Variants in CLSTN2 observed in about 807,000 individuals in gnomAD.
The protein encoded by CLSTN2 is calsyntenin 2.
Under a neutral mutation model 101.2 loss-of-function variants are expected in CLSTN2, and 48 were observed. That is an observed-to-expected ratio of 0.47 (90% CI 0.38 to 0.60). CLSTN2 has a LOEUF of 0.60. CLSTN2 is among the 20% of genes least tolerant of loss of function. The probability of loss-of-function intolerance (pLI) is 0.00; values close to 1 mark genes in which losing one functional copy is unlikely to be tolerated. For synonymous variants in CLSTN2, 481 were observed against 463.6 expected, an observed-to-expected ratio of 1.04 and a Z score of -0.48; for missense variants, 1,160 against 1,238.2, an observed-to-expected ratio of 0.94 and a Z score of 0.95.
At chr3:140,091,374 C>A (rs548507726) in intron 1 of CLSTN2, among the ~76,000 whole-genome samples, 53 of 152,260 alleles carry the variant, frequency 3.5e-4, no homozygotes, top group Admixed American at 7.8e-4. Context: ...CCTGGACACC[C>A]ATTCCTTGGC....
At chr3:140,120,995 G>T (rs148038026) in intron 1 of CLSTN2, among the ~76,000 whole-genome samples, 2 of 152,310 alleles carry the variant, frequency 1.3e-5, no homozygotes, top group East Asian at 1.9e-4. Flanking sequence ...CATTGTATGT[G>T]CCAGAGCCTC....
intron 2 of CLSTN2, among the ~76,000 whole-genome samples, chr3:140,234,459 T>A (rs2086398410): frequency 6.6e-6 from 1 of 152,114 alleles, no homozygotes; most frequent in Non-Finnish European, 1.5e-5. Flanking sequence ...TTCGCCTCTG[T>A]AAAATGTGGT....
chr3:140,424,278 C>G (rs974082364), intron 5 of CLSTN2, among the ~76,000 whole-genome samples: 2 of 152,186 alleles, frequency 1.3e-5, no homozygotes, highest in Non-Finnish European at 2.9e-5. Flanking sequence ...TCAGTCACTG[C>G]CCCAGTAGAC....
rs146415780 is a variant in CLSTN2, at chr3:140,530,232, A to G, written c.1345-2092A>G. On this transcript the variant is annotated intron_variant, in intron 8 of 16. Transcript: ENST00000458420. ...CACAGCTACTTAAAATGAAATTTTT[A>G]AAGGCATTTTAGTGCTGATGCTACA... is the stretch of plus-strand genomic sequence containing the variant. Among the ~76,000 whole-genome samples, 1,241 of 152,112 alleles carry G rather than the reference A, an allele frequency of 8.2e-3. 17 individuals carry two copies. The highest frequency in any genetic ancestry group is 0.028 in the African/African-American group (1,167 of 41,352).
intron 2 of CLSTN2, among the ~76,000 whole-genome samples, chr3:140,268,954 T>C (rs1463856950): frequency 6.6e-6 from 1 of 152,208 alleles, no homozygotes; most frequent in African/African-American, 2.4e-5. Flanking sequence ...GAAGGCTCTA[T>C]ATAGAAGTTA....
At chr3:140,240,849 A>T (rs1368156228) in intron 2 of CLSTN2, among the ~76,000 whole-genome samples, 1 of 152,164 alleles carries the variant, frequency 6.6e-6, no homozygotes, top group Non-Finnish European at 1.5e-5. Context: ...ACGTGGCACT[A>T]CTAGGGTCCC....
intron 7 of CLSTN2, among the ~76,000 whole-genome samples, chr3:140,463,599 G>A (rs1299679090): frequency 6.6e-6 from 1 of 152,204 alleles, no homozygotes; most frequent in African/African-American, 2.4e-5. Flanking sequence ...GAGCCCAGGC[G>A]AGTCCTGGAA....
chr3:140,195,800 G>A lies in CLSTN2; in HGVS notation c.232+19727G>A, dbSNP rs139402144. On this transcript the variant is annotated intron_variant, in intron 2 of 16. Transcript: ENST00000458420. ...AGTTACCTAGGCAATACAGGATAAA[G>A]GACTGTGAGTTTGGTACACTCAAAG... 9.2e-3 allele frequency among the ~76,000 whole-genome samples: 1,401 copies of A among 152,286 alleles called. 21 individuals are homozygous for A. Among genetic ancestry groups the A allele is most frequent in the African/African-American group, 0.032 (1,334 of 41,558 alleles).
chr3:140,112,878 C>A (rs1287709144), intron 1 of CLSTN2, among the ~76,000 whole-genome samples: 3 of 152,068 alleles, frequency 2.0e-5, no homozygotes, highest in Non-Finnish European at 4.4e-5. Flanking sequence ...AAAAACAGAC[C>A]ATAAAAATCC....
intron 2 of CLSTN2, among the ~76,000 whole-genome samples, chr3:140,281,388 A>G (rs1389714977): frequency 2.0e-5 from 3 of 152,188 alleles, no homozygotes; most frequent in Non-Finnish European, 4.4e-5. Context: ...ACAAAAAAAT[A>G]TTAGCTCACC....
intron 2 of CLSTN2, among the ~76,000 whole-genome samples, chr3:140,284,884 C>T (rs1347894933): frequency 6.6e-6 from 1 of 152,044 alleles, no homozygotes; most frequent in Non-Finnish European, 1.5e-5. Context: ...TTCTCTAGCC[C>T]TTCCTGATAG....
At chr3:140,449,568 C>A (rs371550622) in intron 6 of CLSTN2, 1 of 152,238 alleles carries the variant, frequency 6.6e-6, no homozygotes, top group South Asian at 2.1e-4. Context: ...TCAGTAGTAC[C>A]GCCTCCCTTT....
chr3:140,566,752 G>A lies in CLSTN2; in HGVS notation c.*499G>A, dbSNP rs966092002. The A allele has an allele frequency of 1.8e-5, 3 of 163,110 alleles. No individual in the cohort carries two copies. The highest frequency in any genetic ancestry group is 4.1e-5 in the Non-Finnish European group (3 of 73,096). The allele number at this position is 163,110 out of a possible 1,614,324, so 10.1% of individuals were successfully genotyped here. Reference sequence around the variant, plus strand: ...AGGTCTTAGTGCTTAACAGTTTAAAGGAAAGTCCTTGTTGAGGCAGAACTA... The same window carrying A: ...AGGTCTTAGTGCTTAACAGTTTAAAAGAAAGTCCTTGTTGAGGCAGAACTA... On this transcript the variant is annotated 3_prime_UTR_variant, in exon 17 of 17. Coordinates refer to ENST00000458420, the MANE Select transcript of CLSTN2 (RefSeq NM_022131.3).
At chr3:140,499,718 A>T (rs2107761683) in intron 8 of CLSTN2, among the ~76,000 whole-genome samples, 1 of 152,236 alleles carries the variant, frequency 6.6e-6, no homozygotes, top group African/African-American at 2.4e-5. Context: ...TGATACCTGA[A>T]GTTCTGCCTC....
Position 140,566,617 on chromosome 3 carries a change from G to A in CLSTN2, c.*364G>A, listed in dbSNP as rs2107796404. 3.4e-6 allele frequency: 1 copy of A among 294,880 alleles called. No individual in the cohort carries two copies. The highest frequency in any genetic ancestry group is 7.0e-5 in the East Asian group (1 of 14,344). The allele number at this position is 294,880 out of a possible 1,614,324, so 18.3% of individuals were successfully genotyped here. ...CCTCCCCAGGCTCAGAGTCCCCAAGGCCCTGGGGTTCCAACTCACTGTGCG... is the reference window on the plus strand; with the variant it reads ...CCTCCCCAGGCTCAGAGTCCCCAAGACCCTGGGGTTCCAACTCACTGTGCG... On this transcript the variant is annotated 3_prime_UTR_variant, in exon 17 of 17. Transcript: ENST00000458420.
At chr3:140,127,269 C>T (rs563017356) in intron 1 of CLSTN2, among the ~76,000 whole-genome samples, 6 of 152,084 alleles carry the variant, frequency 3.9e-5, no homozygotes, top group Non-Finnish European at 7.4e-5. Context: ...ATTGCTTAAC[C>T]TCCCTGAACT....
intron 1 of CLSTN2, among the ~76,000 whole-genome samples, chr3:140,170,961 G>T (rs1326445476): frequency 2.6e-5 from 4 of 152,160 alleles, no homozygotes; most frequent in Admixed American, 6.5e-5. Flanking sequence ...CTGCCACTGA[G>T]CCTATCTAAT....
At chr3:140,489,517 C>A (rs893331030) in intron 8 of CLSTN2, among the ~76,000 whole-genome samples, 5 of 151,948 alleles carry the variant, frequency 3.3e-5, no homozygotes, top group African/African-American at 1.2e-4. Flanking sequence ...TAGACAGGAG[C>A]CACATACAGA....
intron 2 of CLSTN2, among the ~76,000 whole-genome samples, chr3:140,298,411 CAAT>C (rs908509319): frequency 6.6e-5 from 10 of 152,142 alleles, no homozygotes; most frequent in African/African-American, 2.4e-4. Flanking sequence ...GTAATGATGA[CAAT>C]AATCATAATT....
Sources: allele counts gnomAD v4.1 joint callset (sites outside exome capture counted in the v4.1 genomes callset), GRCh38; gene constraint gnomAD v4.1.1; transcripts MANE v1.5; gene names NCBI Gene and HGNC (gene_info 2026-07-23, HGNC 2026-07-21).